Variants in ST7 observed in about 807,000 individuals in gnomAD.
The protein encoded by ST7 is suppressor of tumorigenicity 7 protein.
In ST7, 28 loss-of-function variants were observed where a neutral mutation model predicts 78.7. The observed-to-expected ratio is 0.36, with a 90% confidence interval of 0.26 to 0.49. The LOEUF is 0.49. ST7 is among the 20% of genes least tolerant of loss of function. The probability of loss-of-function intolerance (pLI) is 0.99; values close to 1 mark genes in which losing one functional copy is unlikely to be tolerated. For synonymous variants in ST7, 247 were observed against 249.6 expected, an observed-to-expected ratio of 0.99 and a Z score of 0.10; for missense variants, 418 against 696.0, an observed-to-expected ratio of 0.60 and a Z score of 4.49.
intron 10 of ST7, among the ~76,000 whole-genome samples, chr7:117,179,050 A>G (rs1808548934): frequency 1.3e-5 from 2 of 152,090 alleles, no homozygotes; most frequent in African/African-American, 2.4e-5. Context: ...CTGCCCCATA[A>G]TTTCATTCCA....
rs193562 is a variant in ST7 at position 117,170,983 on chromosome 7, T to C, written c.1078+7T>C. On this transcript the variant is annotated splice_region_variant and intron_variant, in intron 10 of 15. Transcript: ENST00000323984. ...GTCTTAGCAAAGTATGATGGTAAGT[T>C]CTTGGGTATTTTTATTTACTTGACT... The C allele has an allele frequency of 0.21, 324,275 of 1,566,746 alleles. 37,147 individuals are homozygous for C. Among genetic ancestry groups the C allele is most frequent in the African/African-American group, 0.48 (35,211 of 73,476 alleles).
At position 117,161,789 on chromosome 7, in the gene ST7, G is replaced by A. The variant is rs1419088966; in HGVS notation, c.964-9073G>A. On this transcript the variant is annotated intron_variant, in intron 9 of 15. Transcript: ENST00000323984. Reference sequence around the variant, plus strand: ...CAATTTTTGTATTTTTAGTAGAGATGGGGTTTCATCATGTTGGCCAGGCTG... The same window carrying A: ...CAATTTTTGTATTTTTAGTAGAGATAGGGTTTCATCATGTTGGCCAGGCTG... Among the ~76,000 whole-genome samples the A allele has an allele frequency of 2.0e-5, 3 of 151,392 alleles. No individual in the cohort carries two copies. In the East Asian group the frequency reaches 5.8e-4, roughly 29 times the overall value.
At chr7:117,066,649 T>A (rs571812647) in intron 1 of ST7, among the ~76,000 whole-genome samples, 1 of 150,930 alleles carries the variant, frequency 6.6e-6, no homozygotes, top group South Asian at 2.1e-4. Context: ...TAGCCCCAGC[T>A]ACTCGGGAGG....
chr7:117,197,556 T>G (rs10808186), intron 12 of ST7, among the ~76,000 whole-genome samples: 103,218 of 152,056 alleles, frequency 0.68, 35,408 homozygotes, highest in East Asian at 0.92. Context: ...CCTTCTTCAC[T>G]ATTTTATCAT....
intron 2 of ST7, among the ~76,000 whole-genome samples, chr7:117,116,270 T>C (rs1368837999): frequency 6.6e-6 from 1 of 152,204 alleles, no homozygotes; most frequent in Non-Finnish European, 1.5e-5. Flanking sequence ...CAAAAACTGT[T>C]TTGTTCCACT....
intron 1 of ST7, among the ~76,000 whole-genome samples, chr7:117,059,807 CAAAAAAAA>C (rs35792944): frequency 3.1e-5 from 1 of 31,990 alleles, no homozygotes; most frequent in African/African-American, 1.1e-4. Flanking sequence ...TTCATCTCTG[CAAAAAAAA>C]AAAAAAAAAA....
At chr7:116,973,670 G>A (rs1043228546) in intron 1 of ST7, among the ~76,000 whole-genome samples, 1 of 152,172 alleles carries the variant, frequency 6.6e-6, no homozygotes, top group Admixed American at 6.5e-5. Context: ...TTGTTCCCAT[G>A]TATTTAATGT....
At chr7:117,141,585 G>A (rs888954745) in intron 9 of ST7, among the ~76,000 whole-genome samples, 1 of 152,166 alleles carries the variant, frequency 6.6e-6, no homozygotes, top group Non-Finnish European at 1.5e-5. Context: ...ATATGGAAGC[G>A]GCACCTTACT....
chr7:117,181,288 G>A lies in ST7; in HGVS notation c.1079-8033G>A, dbSNP rs193031271. Among the ~76,000 whole-genome samples the A allele has an allele frequency of 1.5e-3, 225 of 152,276 alleles. 2 individuals carry two copies. The highest frequency in any genetic ancestry group is 2.5e-3 in the Non-Finnish European group (167 of 68,032). On this transcript the variant is annotated intron_variant, in intron 10 of 15. Transcript: ENST00000323984. Reference sequence around the variant, plus strand: ...GGAAGCTAAAGTCTCCCACATTACAGGATTTAATGTATGACTCTATTGTCC... The same window carrying A: ...GGAAGCTAAAGTCTCCCACATTACAAGATTTAATGTATGACTCTATTGTCC...
intron 1 of ST7, among the ~76,000 whole-genome samples, chr7:117,037,649 G>A (rs1796962202): frequency 6.6e-6 from 1 of 152,126 alleles, no homozygotes; most frequent in Admixed American, 6.5e-5. Context: ...TGTTCCCCAA[G>A]GTCTTTTACT....
intron 1 of ST7, among the ~76,000 whole-genome samples, chr7:117,005,440 C>T (rs533766169): frequency 1.3e-5 from 2 of 152,188 alleles, no homozygotes; most frequent in Non-Finnish European, 2.9e-5. Flanking sequence ...CCACAAATGT[C>T]CCCTGTTTTC....
At chr7:117,163,742 G>A (rs911961021) in intron 9 of ST7, among the ~76,000 whole-genome samples, 3 of 152,076 alleles carry the variant, frequency 2.0e-5, no homozygotes, top group African/African-American at 4.8e-5. Context: ...TAGGTTGTCC[G>A]TCTTTTAACT....
intron 15 of ST7, 57 bp from the exon 16 acceptor site, chr7:117,229,705 T>A: frequency 6.9e-7 from 1 of 1,452,778 alleles, no homozygotes; most frequent in Non-Finnish European, 9.4e-7. Flanking sequence ...AGAGGTTTGT[T>A]TTATAGTCTT....
intron 2 of ST7, among the ~76,000 whole-genome samples, chr7:117,115,944 T>A (rs1802848397): frequency 6.6e-6 from 1 of 152,162 alleles, no homozygotes; most frequent in Non-Finnish European, 1.5e-5. Flanking sequence ...CCTTTCTCTC[T>A]CCATCTCTTC....
At chr7:117,064,969 T>C (rs1398513330) in intron 1 of ST7, among the ~76,000 whole-genome samples, 1 of 152,190 alleles carries the variant, frequency 6.6e-6, no homozygotes, top group Non-Finnish European at 1.5e-5. Context: ...ATTGTGTATA[T>C]TGTTTTCCTT....
intron 15 of ST7, chr7:117,223,490 T>A (rs1793245962): frequency 6.2e-6 from 1 of 160,854 alleles, no homozygotes; most frequent in African/African-American, 2.4e-5. Flanking sequence ...CTCTCCCAAC[T>A]CTTGCACAGT....
chr7:117,031,378 GTATATATGTGTA>G (rs1418097446), intron 1 of ST7, among the ~76,000 whole-genome samples: 1 of 16,050 alleles, frequency 6.2e-5, no homozygotes, highest in Admixed American at 5.4e-4. Flanking sequence ...GTATATGTGT[GTATATATGTGTA>G]TATATGTGCA....
chr7:117,205,166 C>T (rs1791632362), intron 12 of ST7, among the ~76,000 whole-genome samples: 1 of 152,136 alleles, frequency 6.6e-6, no homozygotes, highest in African/African-American at 2.4e-5. Flanking sequence ...CATGAACATT[C>T]AACCTGTGAT....
At position 117,008,760 on chromosome 7, in the gene ST7, A is replaced by AT. The variant is rs1212108216; in HGVS notation, c.151+55071dup. On this transcript the variant is annotated intron_variant, in intron 1 of 15. Transcript: ENST00000323984. ...GAGTCTTGTCAATGGCAGAGACCTA[A>AT]TTGAAGATTAGAGCTCTTGCAGAGA... is the stretch of plus-strand genomic sequence containing the variant. Among the ~76,000 whole-genome samples, 21 of 152,318 alleles carry AT rather than the reference A, an allele frequency of 1.4e-4. No homozygotes were observed. In the South Asian group the frequency reaches 4.4e-3, roughly 32 times the overall value.
Sources: allele counts gnomAD v4.1 joint callset (sites outside exome capture counted in the v4.1 genomes callset), GRCh38; gene constraint gnomAD v4.1.1; transcripts MANE v1.5; gene names NCBI Gene and HGNC (gene_info 2026-07-23, HGNC 2026-07-21).